RNF157: variants seen among roughly 807,000 people sequenced by gnomAD.
RNF157 encodes E3 ubiquitin ligase RNF157.
Under a neutral mutation model 88.3 loss-of-function variants are expected in RNF157, and 55 were observed. The ratio of observed to expected loss-of-function variants is 0.62; its 90% confidence interval spans 0.50 to 0.78. The LOEUF is 0.78. Ranked by LOEUF, RNF157 falls within the 30% of genes least tolerant of loss-of-function variation. The pLI is 0.00. For missense variants in RNF157, 788 were observed against 860.8 expected (o/e 0.92, Z 1.06); for synonymous variants, 334 against 341.2 (o/e 0.98, Z 0.23).
Position 76,145,290 on chromosome 17 carries a change from C to T in RNF157, c.1985G>A (p.Ser662Asn). Residue 662 changes from serine (S) to asparagine (N), a missense_variant, in exon 19 of 19, where the codon AGC (serine) becomes AAC (asparagine). Physicochemically the swap from Ser to Asn is conservative, Grantham distance 46. Transcript: ENST00000269391. ...RNAQRRRLSS[S>N]SLEDSETRPC... is the part of the protein sequence containing the mutation. ...CCTCGTCTCAGAGTCCTCCAGGCTGCTGGATGACAAGCGCCGGCGCTGGGC... is the reference window on the plus strand; with the variant it reads ...CCTCGTCTCAGAGTCCTCCAGGCTGTTGGATGACAAGCGCCGGCGCTGGGC... 3.1e-6 allele frequency: 5 copies of T among 1,610,942 alleles called. No individual in the cohort carries two copies. The highest frequency in any genetic ancestry group is 3.4e-6 in the Non-Finnish European group (4 of 1,178,960).
chr17:76,152,517 GT>G (rs768460920), intron 17 of RNF157, 52 bp from the exon 18 acceptor site: 1 of 1,048,270 alleles, frequency 9.5e-7, no homozygotes, highest in South Asian at 1.3e-5. Flanking sequence ...TTTTCTCTGC[GT>G]TGCTGTCCTT....
rs1019166181 is a variant in RNF157 at position 76,155,753 on chromosome 17, G to A, written c.1526-19C>T. On this transcript the variant is annotated intron_variant, in intron 14 of 18. Coordinates refer to ENST00000269391, the MANE Select transcript of RNF157 (RefSeq NM_052916.3). ...GCAGGGCCTTTGGAGACAGGGGATG[G>A]GGAAAGGAGCCTGGAGGTCAGGCAG... is the stretch of plus-strand genomic sequence containing the variant. The A allele has an allele frequency of 6.6e-7, 1 of 1,521,526 alleles. No homozygotes were observed. The highest frequency in any genetic ancestry group is 8.8e-7 in the Non-Finnish European group (1 of 1,133,966). The allele number at this position is 1,521,526 out of a possible 1,614,324, so 94.3% of individuals were successfully genotyped here.
chr17:76,223,845 A>T (rs1306523809), intron 1 of RNF157, among the ~76,000 whole-genome samples: 2 of 152,262 alleles, frequency 1.3e-5, no homozygotes, highest in Non-Finnish European at 2.9e-5. Context: ...ACCTCAGTAA[A>T]AAATGTTAGA....
chr17:76,196,617 G>A (rs2069481728), intron 2 of RNF157, among the ~76,000 whole-genome samples: 2 of 152,166 alleles, frequency 1.3e-5, no homozygotes, highest in African/African-American at 2.4e-5. Flanking sequence ...AAGTATGTAC[G>A]GGAGTGTAGT....
rs529020860 is a variant in RNF157, at chr17:76,155,676, G to A, written c.1584C>T (p.Ser528=). The change falls in exon 15 of 19, where the codon AGC becomes AGT. Residue 528 remains serine, a synonymous_variant. Transcript: ENST00000269391. ...CAGACATGGAGGAGACGGTGTCAGT[G>A]CTGATCTGGGAGGATGCCATGGACA... The part of the protein sequence containing the change: ...SVMSMASSQI[S]TDTVSSMSGS... 2.9e-5 allele frequency: 46 copies of A among 1,612,822 alleles called. No homozygotes were observed. In the South Asian group the frequency reaches 2.9e-4, roughly 10 times the overall value.
chr17:76,238,485 G>A (rs1324872014), intron 1 of RNF157, among the ~76,000 whole-genome samples: 2 of 152,166 alleles, frequency 1.3e-5, no homozygotes, highest in Non-Finnish European at 2.9e-5. Flanking sequence ...TTGGTCTATT[G>A]TCTTTTTATT....
intron 1 of RNF157, among the ~76,000 whole-genome samples, chr17:76,229,149 T>G (rs1385609358): frequency 6.6e-6 from 1 of 152,144 alleles, no homozygotes; most frequent in Non-Finnish European, 1.5e-5. Context: ...AGGCTCTCTT[T>G]CCTCAAAACC....
chr17:76,220,126 A>C (rs2069955488), intron 1 of RNF157, among the ~76,000 whole-genome samples: 1 of 152,066 alleles, frequency 6.6e-6, no homozygotes, highest in South Asian at 2.1e-4. Flanking sequence ...AAGTCTGCAA[A>C]AGTCATTCCC....
At chr17:76,228,789 T>C (rs1048220994) in intron 1 of RNF157, among the ~76,000 whole-genome samples, 1 of 151,692 alleles carries the variant, frequency 6.6e-6, no homozygotes, top group African/African-American at 2.4e-5. Flanking sequence ...GGCGTGGTGG[T>C]GGGCGCCTGT....
chr17:76,222,087 A>C (rs1187752338), intron 1 of RNF157, among the ~76,000 whole-genome samples: 1 of 152,218 alleles, frequency 6.6e-6, no homozygotes, highest in Non-Finnish European at 1.5e-5. Context: ...GGCCGGGCGC[A>C]GTGGCGCACA....
rs974508053 is a variant in RNF157 at position 76,165,196 on chromosome 17, G to A, written c.672+306C>T. On this transcript the variant is annotated intron_variant, in intron 7 of 18. Transcript: ENST00000269391. ...CTCCTGAGGATAAGGGGGGACTACT[G>A]TACACATGTTCCTGGACACTCTCAG... is the stretch of plus-strand genomic sequence containing the variant. Among the ~76,000 whole-genome samples the A allele has an allele frequency of 1.2e-4, 19 of 152,204 alleles. 1 individual carries two copies. The highest frequency in any genetic ancestry group is 1.2e-3 in the Admixed American group (19 of 15,290).
chr17:76,231,910 T>C (rs942094376), intron 1 of RNF157, among the ~76,000 whole-genome samples: 3 of 152,260 alleles, frequency 2.0e-5, no homozygotes, highest in African/African-American at 7.2e-5. Flanking sequence ...CCTACTCTTA[T>C]TACCAGCCTT....
intron 2 of RNF157, among the ~76,000 whole-genome samples, chr17:76,180,029 C>G (rs982815552): frequency 7.4e-4 from 113 of 152,170 alleles, no homozygotes; most frequent in African/African-American, 2.5e-3. Flanking sequence ...AGCATCCTGG[C>G]ATATCCGGAA....
intron 2 of RNF157, among the ~76,000 whole-genome samples, chr17:76,201,402 C>T (rs1163464249): frequency 6.6e-6 from 1 of 151,428 alleles, no homozygotes; most frequent in African/African-American, 2.4e-5. Flanking sequence ...GTCCCAGCTA[C>T]CAGGAAGGCT....
At chr17:76,151,527 T>C (rs909095982) in intron 18 of RNF157, among the ~76,000 whole-genome samples, 6 of 152,204 alleles carry the variant, frequency 3.9e-5, no homozygotes, top group South Asian at 2.1e-4. Context: ...AACAACACGA[T>C]GTGAAGGACA....
rs565160370 is a variant in RNF157 at position 76,229,597 on chromosome 17, C to A, written c.88+10556G>T. Among the ~76,000 whole-genome samples the A allele has an allele frequency of 2.0e-5, 3 of 152,274 alleles. No homozygotes were observed. In the East Asian group the frequency reaches 5.8e-4, roughly 29 times the overall value. ...CTGCCATATCTTTTCATCCAGATAG[C>A]CCATCTTTGCCTCAAACTCAATAAC... is the stretch of plus-strand genomic sequence containing the variant. On this transcript the variant is annotated intron_variant, in intron 1 of 18. Coordinates refer to ENST00000269391, the MANE Select transcript of RNF157 (RefSeq NM_052916.3).
chr17:76,195,470 T>C lies in RNF157; in HGVS notation c.207+16894A>G, dbSNP rs2069463181. On this transcript the variant is annotated intron_variant, in intron 2 of 18. Transcript: ENST00000269391. This position sits in a 1 kb window ranked among gnomAD's most constrained non-coding sequence, Gnocchi z 4.4. ...TGGTAGAATCACTTTGAAAAGCGGTTAGCGGTATCTACTACAGCATATTCT... is the reference window on the plus strand; with the variant it reads ...TGGTAGAATCACTTTGAAAAGCGGTCAGCGGTATCTACTACAGCATATTCT... Among the ~76,000 whole-genome samples, 1 of 152,232 alleles carries C rather than the reference T, an allele frequency of 6.6e-6. No individual in the cohort carries two copies. Among genetic ancestry groups the C allele is most frequent in the Non-Finnish European group, 1.5e-5 (1 of 68,042 alleles).
At chr17:76,207,638 T>C (rs2069703826) in intron 2 of RNF157, among the ~76,000 whole-genome samples, 1 of 151,756 alleles carries the variant, frequency 6.6e-6, no homozygotes, top group Non-Finnish European at 1.5e-5. Flanking sequence ...CAAAGAGGAG[T>C]CGTTCTTGCC....
In RNF157 at chr17:76,214,508, T is replaced by C. The variant is rs181177045; in HGVS notation, c.89-2026A>G. On this transcript the variant is annotated intron_variant, in intron 1 of 18. Transcript: ENST00000269391. The stretch of plus-strand genomic sequence containing the variant: ...GAAGGTTCTTCACACTTTAACTTGC[T>C]GCAAACATTATTGTTTCACAGGAAA... Among the ~76,000 whole-genome samples, 5 of 152,342 alleles carry C rather than the reference T, an allele frequency of 3.3e-5. No homozygotes were observed. In the East Asian group the frequency reaches 7.7e-4, roughly 24 times the overall value.
Sources: gnomAD v4.1 joint callset for allele counts (sites outside exome capture counted in the v4.1 genomes callset) on GRCh38, gnomAD v4.1.1 for gene constraint, Gnocchi (gnomAD v3.1) non-coding constraint, MANE v1.5 for transcripts, NCBI Gene and HGNC (gene_info 2026-07-23, HGNC 2026-07-21) for gene names.